The following COG5 variants were observed in gnomAD, a reference collection of about 807,000 sequenced individuals.
COG5 encodes conserved oligomeric Golgi complex subunit 5.
In COG5, 86 loss-of-function variants were observed where a neutral mutation model predicts 110.4. The observed-to-expected ratio is 0.78, with a 90% CI of 0.65 to 0.93. COG5 has a LOEUF of 0.93. Among genes scored for constraint, COG5 ranks in the 40% least tolerant of loss-of-function variants. COG5 has a pLI of 0.00. For synonymous variants in COG5, 360 were observed against 334.6 expected, an observed-to-expected ratio of 1.08 and a Z score of -0.83; for missense variants, 1,077 against 987.0, an observed-to-expected ratio of 1.09 and a Z score of -1.22.
Position 107,558,125 on chromosome 7 carries a change from G to A in COG5, c.95-10C>T. ...AAGTCACTATAACACCCTGGATTGG[G>A]GAAAAAATAAGGAAAAGTCCTTAAT... On this transcript the variant is annotated splice_polypyrimidine_tract_variant and intron_variant, in intron 1 of 21. Coordinates refer to ENST00000297135, the MANE Select transcript of COG5 (RefSeq NM_006348.5). 6.2e-7 allele frequency: 1 copy of A among 1,612,806 alleles called. No homozygotes were observed. Among genetic ancestry groups the A allele is most frequent in the Non-Finnish European group, 8.5e-7 (1 of 1,179,556 alleles).
chr7:107,265,646 A>G (rs1803737172), intron 14 of COG5, among the ~76,000 whole-genome samples: 1 of 152,224 alleles, frequency 6.6e-6, no homozygotes, highest in Non-Finnish European at 1.5e-5. Context: ...AAGACTTATG[A>G]TTAAATATCA....
chr7:107,535,280 A>AG (rs1426000627), intron 5 of COG5, among the ~76,000 whole-genome samples: 16 of 151,626 alleles, frequency 1.1e-4, no homozygotes, highest in Admixed American at 7.2e-4. Context: ...AAGAGCAAAC[A>AG]AATGCAAAAT....
chr7:107,303,769 A>G (rs1807476780), intron 11 of COG5, among the ~76,000 whole-genome samples: 1 of 152,086 alleles, frequency 6.6e-6, no homozygotes, highest in African/African-American at 2.4e-5. Context: ...AATTTATTTG[A>G]TATGTAGTTA....
intron 16 of COG5, among the ~76,000 whole-genome samples, chr7:107,248,898 G>A (rs1281974937): frequency 6.6e-6 from 1 of 152,160 alleles, no homozygotes; most frequent in Non-Finnish European, 1.5e-5. Context: ...AACATCATAT[G>A]CTTTTAACCA....
chr7:107,244,652 GA>G lies in COG5; in HGVS notation c.1853+3743del, dbSNP rs752100867. ...GAAAATGTTACTACTGACCCCATAG[GA>G]AAAAAAAAATCAGAAACCTCTAAAC... On this transcript the variant is annotated intron_variant, in intron 17 of 21. Transcript: ENST00000297135. Among the ~76,000 whole-genome samples, 12 of 148,342 alleles carry G rather than the reference GA, an allele frequency of 8.1e-5. No individual in the cohort carries two copies. In the East Asian group the frequency reaches 1.8e-3, roughly 22 times the overall value.
chr7:107,369,907 T>C (rs1336639253), intron 8 of COG5, among the ~76,000 whole-genome samples: 2 of 152,174 alleles, frequency 1.3e-5, no homozygotes, highest in African/African-American at 4.8e-5. Flanking sequence ...TTAATTTCTA[T>C]TTCCTTAATA....
chr7:107,316,252 A>G (rs1305214470), intron 11 of COG5, among the ~76,000 whole-genome samples: 2 of 152,206 alleles, frequency 1.3e-5, no homozygotes, highest in Admixed American at 1.3e-4. Context: ...AAAGAAATTA[A>G]AAGAGAAGGA....
At chr7:107,322,303 G>C (rs542513781) in intron 11 of COG5, among the ~76,000 whole-genome samples, 11 of 152,270 alleles carry the variant, frequency 7.2e-5, no homozygotes, top group African/African-American at 2.2e-4. Flanking sequence ...TTTCTAACAC[G>C]TGAGGACACA....
chr7:107,430,476 A>G (rs563249947), intron 6 of COG5, among the ~76,000 whole-genome samples: 1 of 152,310 alleles, frequency 6.6e-6, no homozygotes, highest in Non-Finnish European at 1.5e-5. Flanking sequence ...ACCAGACTGT[A>G]TGAATTATTG....
chr7:107,316,789 C>A (rs1052729564), intron 11 of COG5, among the ~76,000 whole-genome samples: 1 of 150,638 alleles, frequency 6.6e-6, no homozygotes, highest in Non-Finnish European at 1.5e-5. Flanking sequence ...TGGAGATGCA[C>A]CACTGCACTC....
At chr7:107,379,068 ATC>A (rs1814877305) in intron 7 of COG5, among the ~76,000 whole-genome samples, 1 of 152,224 alleles carries the variant, frequency 6.6e-6, no homozygotes, top group Admixed American at 6.5e-5. Flanking sequence ...CTAACGGCAG[ATC>A]TCTCTGCAGA....
chr7:107,250,288 T>C (rs368416419), intron 16 of COG5, among the ~76,000 whole-genome samples: 1 of 152,126 alleles, frequency 6.6e-6, no homozygotes, highest in Admixed American at 6.6e-5. Flanking sequence ...CTATCAGTAA[T>C]GCATGTGCAG....
chr7:107,492,810 A>T (rs1798052136), intron 6 of COG5, among the ~76,000 whole-genome samples: 1 of 152,126 alleles, frequency 6.6e-6, no homozygotes, highest in African/African-American at 2.4e-5. Context: ...CCCTTTTGCA[A>T]TGTAAGTTAA....
At chr7:107,267,890 C>A (rs1021472992) in intron 14 of COG5, among the ~76,000 whole-genome samples, 1 of 152,092 alleles carries the variant, frequency 6.6e-6, no homozygotes, top group African/African-American at 2.4e-5. Context: ...ATCCCCACCT[C>A]TATTTTTAAA....
At chr7:107,504,544 A>G (rs2129138654) in intron 6 of COG5, among the ~76,000 whole-genome samples, 1 of 152,262 alleles carries the variant, frequency 6.6e-6, no homozygotes, top group South Asian at 2.1e-4. Flanking sequence ...CTCTTTCTCA[A>G]TCTTTTGCAA....
intron 6 of COG5, among the ~76,000 whole-genome samples, chr7:107,453,727 A>C (rs562297643): frequency 6.6e-6 from 1 of 152,316 alleles, no homozygotes; most frequent in South Asian, 2.1e-4. Context: ...ACAGATTTTG[A>C]TTCTACTAGT....
intron 6 of COG5, among the ~76,000 whole-genome samples, chr7:107,467,375 A>C (rs1290748680): frequency 6.6e-6 from 1 of 151,744 alleles, no homozygotes; most frequent in Non-Finnish European, 1.5e-5. Context: ...TTTTTTTTTG[A>C]GACCTAGTCT....
chr7:107,262,590 T>A (rs796750973), intron 14 of COG5, among the ~76,000 whole-genome samples: 58 of 152,280 alleles, frequency 3.8e-4, no homozygotes, highest in African/African-American at 1.3e-3. Context: ...TTTAAATCTA[T>A]GATCACTAAA....
At chr7:107,227,157 T>C (rs1237330396) in intron 19 of COG5, among the ~76,000 whole-genome samples, 2 of 152,182 alleles carry the variant, frequency 1.3e-5, no homozygotes, top group Non-Finnish European at 2.9e-5. Context: ...ATGCAGGCCA[T>C]GAGTGGGTCA....
Sources: allele counts gnomAD v4.1 joint callset (sites outside exome capture counted in the v4.1 genomes callset), GRCh38; gene constraint gnomAD v4.1.1; transcripts MANE v1.5; gene names NCBI Gene and HGNC (gene_info 2026-07-23, HGNC 2026-07-21).